Variants in TBCEL observed in about 807,000 individuals in gnomAD.
TBCEL encodes tubulin-specific chaperone cofactor E-like protein.
A neutral mutation model predicts 44.2 loss-of-function variants in TBCEL; 15 were observed. The ratio of observed to expected loss-of-function variants is 0.34; its 90% CI spans 0.23 to 0.52. The LOEUF is 0.52. Among genes scored for constraint, TBCEL ranks in the 20% least tolerant of loss-of-function variants. The pLI is 0.95. For synonymous variants in TBCEL, 171 were observed against 185.4 expected (o/e 0.92, Z 0.63); for missense variants, 319 against 506.3 (o/e 0.63, Z 3.55).
intron 6 of TBCEL, among the ~76,000 whole-genome samples, chr11:121,055,790 C>A (rs1369353269): frequency 5.9e-5 from 9 of 151,572 alleles, no homozygotes; most frequent in Admixed American, 2.6e-4. Context: ...TATTGATAAA[C>A]TTTATTTTTT....
chr11:121,072,126 T>G (rs1474486240), intron 8 of TBCEL, among the ~76,000 whole-genome samples: 1 of 152,164 alleles, frequency 6.6e-6, no homozygotes, highest in Non-Finnish European at 1.5e-5. Flanking sequence ...ACCTTGGACT[T>G]TATTTTGACT....
At chr11:121,080,744 C>T (rs1946110287) in intron 8 of TBCEL, among the ~76,000 whole-genome samples, 1 of 152,196 alleles carries the variant, frequency 6.6e-6, no homozygotes, top group Non-Finnish European at 1.5e-5. Context: ...CCACATCTTC[C>T]TATTCTGGAG....
In TBCEL at chr11:121,055,143, GACAATA is replaced by G; in HGVS notation, c.550_555del (p.Asn184_Asn185del). The G allele has an allele frequency of 6.2e-7, 1 of 1,611,598 alleles. No homozygotes were observed. Among genetic ancestry groups the G allele is most frequent in the Non-Finnish European group, 8.5e-7 (1 of 1,178,702 alleles). ...TTCTCTTAAGCTACTACATATAACA[GACAATA>G]ACCTCCAAGACTGGACTGAAATACG... On this transcript the variant is annotated inframe_deletion, in exon 6 of 9. Transcript: ENST00000683345.
intron 8 of TBCEL, among the ~76,000 whole-genome samples, chr11:121,067,653 C>T (rs891590500): frequency 1.3e-5 from 2 of 152,082 alleles, no homozygotes; most frequent in African/African-American, 4.8e-5. Flanking sequence ...TCATCTGTGC[C>T]GTGTTTCTTA....
chr11:121,047,300 C>CT (rs1301833189), intron 3 of TBCEL, among the ~76,000 whole-genome samples: 2 of 151,894 alleles, frequency 1.3e-5, no homozygotes, highest in African/African-American at 2.4e-5. Context: ...GCCTAGAGGA[C>CT]TTTTTTTGGT....
intron 4 of TBCEL, 76 bp from the exon 5 acceptor site, chr11:121,053,475 T>C: frequency 2.1e-6 from 3 of 1,422,242 alleles, no homozygotes; most frequent in East Asian, 2.3e-5. Flanking sequence ...CCAGCTCCTC[T>C]AGGCTTTCTT....
At chr11:121,040,622 C>T (rs1036951175) in intron 2 of TBCEL, among the ~76,000 whole-genome samples, 1 of 151,786 alleles carries the variant, frequency 6.6e-6, no homozygotes, top group Non-Finnish European at 1.5e-5. Flanking sequence ...TCTTTTCTTC[C>T]TCACTCCCCA....
intron 3 of TBCEL, among the ~76,000 whole-genome samples, chr11:121,046,960 AAG>A (rs1292073710): frequency 6.6e-6 from 1 of 151,274 alleles, no homozygotes; most frequent in Non-Finnish European, 1.5e-5. Context: ...ATTGATAGAC[AAG>A]AGAGAGAGAT....
chr11:121,024,886 A>G (rs1373008558), intron 1 of TBCEL, among the ~76,000 whole-genome samples: 1 of 152,152 alleles, frequency 6.6e-6, no homozygotes, highest in Non-Finnish European at 1.5e-5. Flanking sequence ...GATTTGCCCC[A>G]AGGTTGGGAG....
At chr11:121,059,290 C>T (rs954124045) in intron 7 of TBCEL, among the ~76,000 whole-genome samples, 3 of 151,924 alleles carry the variant, frequency 2.0e-5, no homozygotes, top group South Asian at 2.1e-4. Context: ...TTGAAGAATA[C>T]GTCTTGCAGT....
chr11:121,081,412 G>A (rs1946123570), intron 8 of TBCEL, among the ~76,000 whole-genome samples: 1 of 152,174 alleles, frequency 6.6e-6, no homozygotes. Context: ...ATAACACTTT[G>A]CACACTTCAG....
intron 8 of TBCEL, among the ~76,000 whole-genome samples, chr11:121,063,105 A>G (rs892676314): frequency 7.2e-5 from 11 of 152,144 alleles, no homozygotes; most frequent in African/African-American, 2.7e-4. Context: ...TCATTCCCCA[A>G]GAATCAAAAA....
At chr11:121,068,925 C>G (rs1293173523) in intron 8 of TBCEL, among the ~76,000 whole-genome samples, 1 of 151,608 alleles carries the variant, frequency 6.6e-6, no homozygotes, top group African/African-American at 2.4e-5. Context: ...AGAAACTGTC[C>G]TTACTGTTCC....
At chr11:121,048,305 A>G (rs1945469704) in intron 4 of TBCEL, among the ~76,000 whole-genome samples, 1 of 151,924 alleles carries the variant, frequency 6.6e-6, no homozygotes, top group African/African-American at 2.4e-5. Context: ...TATATTATCA[A>G]ATCCCTTGGG....
At chr11:121,066,488 A>G (rs1945823374) in intron 8 of TBCEL, among the ~76,000 whole-genome samples, 1 of 152,226 alleles carries the variant, frequency 6.6e-6, no homozygotes, top group Non-Finnish European at 1.5e-5. Context: ...CTGGACAGCC[A>G]AAGTTGGCAT....
At chr11:121,051,865 T>C (rs1235293070) in intron 4 of TBCEL, among the ~76,000 whole-genome samples, 1 of 151,840 alleles carries the variant, frequency 6.6e-6, no homozygotes, top group Non-Finnish European at 1.5e-5. Context: ...TTGGAATTAA[T>C]CTACTTCTCA....
chr11:121,045,858 G>C (rs1945421335), intron 3 of TBCEL, 35 bp downstream of exon 3: 6 of 1,519,816 alleles, frequency 3.9e-6, no homozygotes, highest in Non-Finnish European at 5.3e-6. Context: ...CTTATTTAGT[G>C]GAGCTTACTT....
intron 1 of TBCEL, among the ~76,000 whole-genome samples, chr11:121,031,434 G>T (rs367594559): frequency 4.7e-4 from 71 of 152,114 alleles, no homozygotes; most frequent in African/African-American, 1.6e-3. Flanking sequence ...GAAAATTATT[G>T]AACGTGAGCA....
intron 2 of TBCEL, among the ~76,000 whole-genome samples, chr11:121,043,175 C>G (rs1171195607): frequency 6.6e-6 from 1 of 152,152 alleles, no homozygotes; most frequent in Non-Finnish European, 1.5e-5. Flanking sequence ...GGGCGTAAAC[C>G]TGCCCTTCAT....
Sources: gnomAD v4.1 joint callset for allele counts (sites outside exome capture counted in the v4.1 genomes callset) on GRCh38, gnomAD v4.1.1 for gene constraint, MANE v1.5 for transcripts, NCBI Gene and HGNC (gene_info 2026-07-23, HGNC 2026-07-21) for gene names.